The following MEAK7 variants were observed in gnomAD, a reference collection of about 807,000 sequenced individuals.
The protein encoded by MEAK7 is MTOR-associated protein MEAK7.
Under a neutral mutation model 40.5 loss-of-function variants are expected in MEAK7, and 68 were observed. The observed-to-expected ratio is 1.68, with a 90% CI of 1.38 to 2.06. The LOEUF is 2.06. Among genes scored for constraint, MEAK7 ranks in the 30% most tolerant of loss-of-function variants. MEAK7 has a pLI of 0.00. For missense variants in MEAK7, 918 were observed against 580.5 expected (o/e 1.58, Z -5.98); for synonymous variants, 338 against 231.9 (o/e 1.46, Z -4.16).
chr16:84,497,269 G>C (rs192852575), intron 2 of MEAK7: 2 of 506,648 alleles, frequency 3.9e-6, no homozygotes, highest in Admixed American at 3.8e-5. Context: ...GCCTCAGTCC[G>C]AGCACTCAAA....
At chr16:84,488,952 C>T (rs1025357847) in intron 4 of MEAK7, among the ~76,000 whole-genome samples, 1 of 151,914 alleles carries the variant, frequency 6.6e-6, no homozygotes, top group Non-Finnish European at 1.5e-5. Flanking sequence ...TAAATAGAAA[C>T]TAGAAAGACA....
intron 1 of MEAK7, among the ~76,000 whole-genome samples, chr16:84,503,518 T>A (rs1387109720): frequency 6.6e-6 from 1 of 152,224 alleles, no homozygotes; most frequent in Admixed American, 6.5e-5. Context: ...CTGTGGTCCC[T>A]ATACCCATTG....
intron 5 of MEAK7, among the ~76,000 whole-genome samples, chr16:84,484,347 C>A (rs1423272919): frequency 6.6e-6 from 1 of 152,222 alleles, no homozygotes; most frequent in Non-Finnish European, 1.5e-5. Context: ...CGGCCACCAG[C>A]ACCTGACGCT....
chr16:84,497,553 C>T (rs1039862719), intron 2 of MEAK7: 120 of 1,293,886 alleles, frequency 9.3e-5, no homozygotes, highest in South Asian at 3.0e-4. Flanking sequence ...AAGAGACACA[C>T]GAGGCAGGCT....
In MEAK7 at chr16:84,489,543, A is replaced by T. The variant is rs972503938; in HGVS notation, c.385-121T>A. On this transcript the variant is annotated intron_variant, in intron 3 of 7. Transcript: ENST00000343629. The stretch of plus-strand genomic sequence containing the variant: ...ACTATGATGGGCCACAATGTGGGGA[A>T]AGGTCATGCAATGTATGTAGTTACT... 2.4e-5 allele frequency: 28 copies of T among 1,157,234 alleles called. No homozygotes were observed. In the African/African-American group the frequency reaches 3.9e-4, roughly 16 times the overall value. The allele number at this position is 1,157,234 out of a possible 1,614,324, so 71.7% of individuals were successfully genotyped here. A position where few individuals can be genotyped will look rare whatever the true frequency, so the allele number is the denominator to read the frequency against.
Position 84,482,634 on chromosome 16 carries a change from G to A in MEAK7, c.1035C>T (p.Tyr345=). 6 of 1,614,270 alleles carry A rather than the reference G, an allele frequency of 3.7e-6. No individual in the cohort carries two copies. Among genetic ancestry groups the A allele is most frequent in the Non-Finnish European group, 5.1e-6 (6 of 1,180,050 alleles). ...VYTHTGYNDH[Y]MYLNHGQQTI... is the part of the protein sequence containing the mutation. ...TCTGCTGTCCATGGTTCAAGTACAT[G>A]TAGTGGTCGTTGTAGCCCGTGTGTG... The change falls in exon 6 of 8, where the codon TAC becomes TAT. Residue 345 remains tyrosine (Y), a synonymous_variant. Coordinates refer to ENST00000343629, the MANE Select transcript of MEAK7 (RefSeq NM_020947.4).
At chr16:84,501,529 A>C (rs886721435) in intron 1 of MEAK7, among the ~76,000 whole-genome samples, 11 of 152,172 alleles carry the variant, frequency 7.2e-5, no homozygotes, top group Non-Finnish European at 1.6e-4. Flanking sequence ...GGGCTGGGCA[A>C]GTGCCAACAG....
Position 84,478,709 on chromosome 16 carries a change from G to C in MEAK7, c.*1204C>G, listed in dbSNP as rs1912246337. On this transcript the variant is annotated 3_prime_UTR_variant, in exon 8 of 8. Transcript: ENST00000343629. ...TCTTCAGCATTTCAGGATCACCGGAGCTTGTTTAAAGTCAGTCTACACTGC... is the reference window on the plus strand; with the variant it reads ...TCTTCAGCATTTCAGGATCACCGGACCTTGTTTAAAGTCAGTCTACACTGC... The C allele has an allele frequency of 6.6e-6, 1 of 152,224 alleles. No individual in the cohort carries two copies. Among genetic ancestry groups the C allele is most frequent in the African/African-American group, 2.4e-5 (1 of 41,436 alleles). The allele number at this position is 152,224 out of a possible 1,614,324, so 9.4% of individuals were successfully genotyped here.
intron 1 of MEAK7, among the ~76,000 whole-genome samples, chr16:84,499,230 T>C (rs1914301083): frequency 6.6e-6 from 1 of 152,088 alleles, no homozygotes; most frequent in Admixed American, 6.6e-5. Context: ...TGGTTGGAAA[T>C]GAAAACAAAC....
rs961056629 is a variant in MEAK7, at chr16:84,478,425, G to C, written c.*1488C>G. ...TGAACCTCCCAGTAGAAAATGCAAG[G>C]CCTGCAAAAATGCGAACAGCTCGAT... On this transcript the variant is annotated 3_prime_UTR_variant, in exon 8 of 8. Coordinates refer to ENST00000343629, the MANE Select transcript of MEAK7 (RefSeq NM_020947.4). 6.6e-6 allele frequency: 1 copy of C among 152,216 alleles called. No individual in the cohort carries two copies. Among genetic ancestry groups the C allele is most frequent in the Non-Finnish European group, 1.5e-5 (1 of 68,038 alleles). The allele number at this position is 152,216 out of a possible 1,614,324, so 9.4% of individuals were successfully genotyped here.
At chr16:84,490,463 T>A (rs1289752198) in intron 3 of MEAK7, among the ~76,000 whole-genome samples, 1 of 85,878 alleles carries the variant, frequency 1.2e-5, no homozygotes, top group African/African-American at 3.3e-5. Context: ...TTTTTTTTTT[T>A]TTTTTTTTTT....
Position 84,500,890 on chromosome 16 carries a change from C to T in MEAK7, c.-25-2779G>A, listed in dbSNP as rs528568682. On this transcript the variant is annotated intron_variant, in intron 1 of 7. Transcript: ENST00000343629. ...ACACCATCTCCTGAGGTCAGGAGTT[C>T]GAAACTAGGTTGGCCAACGACATGA... Among the ~76,000 whole-genome samples, 19 of 152,004 alleles carry T rather than the reference C, an allele frequency of 1.2e-4. No homozygotes were observed. The East Asian group carries it at 2.9e-3, about 23-fold the overall frequency.
rs1046349868 is a variant in MEAK7, at chr16:84,497,732, C to T, written c.153+202G>A. 3.7e-5 allele frequency: 51 copies of T among 1,361,574 alleles called. No homozygotes were observed. The East Asian group carries it at 5.3e-4, about 14-fold the overall frequency. 84.3% of individuals were successfully genotyped at this position (1,361,574 alleles called of 1,614,324 possible). ...GTCTATGGCTATTTTCACACAGTAA[C>T]GGCAGAGCAGAGGAGCTACAACAGA... On this transcript the variant is annotated intron_variant, in intron 2 of 7. Coordinates refer to ENST00000343629, the MANE Select transcript of MEAK7 (RefSeq NM_020947.4).
rs1447398635 is a variant in MEAK7 at position 84,478,808 on chromosome 16, G to A, written c.*1105C>T. On this transcript the variant is annotated 3_prime_UTR_variant, in exon 8 of 8. Transcript: ENST00000343629. ...ACTGACAGCTGTGACTCAGGCACTG[G>A]TTCCCAGAGATCTAGAACCCAGGCC... is the stretch of plus-strand genomic sequence containing the variant. 1 of 152,248 alleles carries A rather than the reference G, an allele frequency of 6.6e-6. No individual in the cohort carries two copies. The highest frequency in any genetic ancestry group is 2.4e-5 in the African/African-American group (1 of 41,440). 9.4% of individuals were successfully genotyped at this position (152,248 alleles called of 1,614,324 possible).
Position 84,482,583 on chromosome 16 carries a change from C to CG in MEAK7, c.1077+8dup. 3 of 1,614,032 alleles carry CG rather than the reference C, an allele frequency of 1.9e-6. No individual in the cohort carries two copies. The highest frequency in any genetic ancestry group is 2.5e-6 in the Non-Finnish European group (3 of 1,179,928). On this transcript the variant is annotated intron_variant, in intron 6 of 7. Coordinates refer to ENST00000343629, the MANE Select transcript of MEAK7 (RefSeq NM_020947.4). ...CAAGGCAAGACCACCACGCTCTGCC[C>CG]GGGCTCACCAGTCCGTTCGGGATCG...
intron 5 of MEAK7, among the ~76,000 whole-genome samples, chr16:84,485,605 G>A (rs926361223): frequency 1.3e-5 from 2 of 152,154 alleles, no homozygotes; most frequent in Non-Finnish European, 1.5e-5. Context: ...ACTGATGGGC[G>A]ACGCATCTGT....
chr16:84,486,312 T>G (rs1378875360), intron 5 of MEAK7: 3 of 482,786 alleles, frequency 6.2e-6, no homozygotes, highest in African/African-American at 6.0e-5. Flanking sequence ...AAATGTCCGA[T>G]CTGAACCAAT....
In MEAK7 at chr16:84,479,189, C is replaced by G. The variant is rs1912283194; in HGVS notation, c.*724G>C. The G allele has an allele frequency of 1.3e-5, 2 of 152,232 alleles. No homozygotes were observed. The highest frequency in any genetic ancestry group is 2.9e-5 in the Non-Finnish European group (2 of 68,068). 9.4% of individuals were successfully genotyped at this position (152,232 alleles called of 1,614,324 possible). On this transcript the variant is annotated 3_prime_UTR_variant, in exon 8 of 8. Coordinates refer to ENST00000343629, the MANE Select transcript of MEAK7 (RefSeq NM_020947.4). ...CCATTTCCCCATTTTATACACAGTT[C>G]ATGCTTTTAAATACAGAACTCCCAT... is the stretch of plus-strand genomic sequence containing the variant.
In MEAK7 at chr16:84,479,887, G is replaced by C; in HGVS notation, c.*26C>G. On this transcript the variant is annotated 3_prime_UTR_variant, in exon 8 of 8. Coordinates refer to ENST00000343629, the MANE Select transcript of MEAK7 (RefSeq NM_020947.4). ...CTCTACCCAGAGGAATCCAGGTCCT[G>C]GCTCCAGGAAGGCTCAGGCGGCTCC... 1 of 1,560,710 alleles carries C rather than the reference G, an allele frequency of 6.4e-7. No homozygotes were observed. Among genetic ancestry groups the C allele is most frequent in the Non-Finnish European group, 8.7e-7 (1 of 1,144,900 alleles).
Sources: gnomAD v4.1 joint callset for allele counts (sites outside exome capture counted in the v4.1 genomes callset) on GRCh38, gnomAD v4.1.1 for gene constraint, MANE v1.5 for transcripts, NCBI Gene and HGNC (gene_info 2026-07-23, HGNC 2026-07-21) for gene names.